The following FBXL17 variants were observed in gnomAD, a reference collection of about 807,000 sequenced individuals.
FBXL17 encodes F-box and leucine rich repeat protein 17, also known as F-box/LRR-repeat protein 17.
A neutral mutation model predicts 66.2 loss-of-function variants in FBXL17; 22 were observed. The observed-to-expected ratio is 0.33, with a 90% confidence interval of 0.24 to 0.47. The LOEUF is 0.47. Ranked by LOEUF, FBXL17 falls within the 20% of genes least tolerant of loss-of-function variation. The probability of loss-of-function intolerance (pLI) is 1.00; values close to 1 mark genes in which losing one functional copy is unlikely to be tolerated. For missense variants in FBXL17, 878 were observed against 948.2 expected (o/e 0.93, Z 0.97); for synonymous variants, 474 against 400.5 (o/e 1.18, Z -2.19).
intron 4 of FBXL17, among the ~76,000 whole-genome samples, chr5:108,264,116 G>C (rs565874556): frequency 6.6e-6 from 1 of 151,632 alleles, no homozygotes; most frequent in Admixed American, 6.6e-5. Context: ...TCAGGAAGCT[G>C]GGGGAGGAGA....
chr5:108,248,106 T>C (rs1451226488), intron 4 of FBXL17, among the ~76,000 whole-genome samples: 1 of 152,050 alleles, frequency 6.6e-6, no homozygotes, highest in African/African-American at 2.4e-5. Context: ...CCTAGGAAAA[T>C]CTCAACTTAA....
intron 4 of FBXL17, among the ~76,000 whole-genome samples, chr5:108,302,587 TA>T (rs909432851): frequency 3.4e-4 from 52 of 151,920 alleles, no homozygotes; most frequent in Middle Eastern, 3.4e-3. Flanking sequence ...GTAATTAAGA[TA>T]ATTTTCCTCT....
intron 7 of FBXL17, among the ~76,000 whole-genome samples, chr5:107,946,420 A>C (rs1751298494): frequency 6.9e-6 from 1 of 145,512 alleles, no homozygotes; most frequent in South Asian, 2.2e-4. Flanking sequence ...CCATCAGAGT[A>C]ACTAGGACTA....
chr5:107,868,644 T>G (rs1433063087), intron 8 of FBXL17, among the ~76,000 whole-genome samples: 2 of 152,222 alleles, frequency 1.3e-5, no homozygotes, highest in Non-Finnish European at 1.5e-5. Context: ...GCTTATAACC[T>G]AGCAGGGGAG....
At chr5:108,354,412 AAT>A (rs1242211887) in intron 3 of FBXL17, among the ~76,000 whole-genome samples, 2 of 152,144 alleles carry the variant, frequency 1.3e-5, no homozygotes, top group Non-Finnish European at 2.9e-5. Flanking sequence ...TGAGTTTGAG[AAT>A]ATAATAGAAA....
intron 6 of FBXL17, among the ~76,000 whole-genome samples, chr5:108,137,434 C>T (rs1489015880): frequency 1.3e-5 from 2 of 152,082 alleles, no homozygotes; most frequent in African/African-American, 4.8e-5. Flanking sequence ...CCCCAACACC[C>T]ACCTTCACAG....
At chr5:108,277,359 C>T (rs1757524312) in intron 4 of FBXL17, among the ~76,000 whole-genome samples, 1 of 152,090 alleles carries the variant, frequency 6.6e-6, no homozygotes, top group South Asian at 2.1e-4. Flanking sequence ...GAATTAACTT[C>T]TTATCAACTT....
At chr5:108,194,869 T>G (rs947662970) in intron 5 of FBXL17, among the ~76,000 whole-genome samples, 3 of 152,200 alleles carry the variant, frequency 2.0e-5, no homozygotes, top group Non-Finnish European at 4.4e-5. Flanking sequence ...GCCTTCAGTA[T>G]TTCTGAAAAA....
intron 6 of FBXL17, among the ~76,000 whole-genome samples, chr5:108,106,949 C>G (rs1749822812): frequency 6.6e-6 from 1 of 151,868 alleles, no homozygotes; most frequent in Non-Finnish European, 1.5e-5. Context: ...TAAATTACAT[C>G]TCAATAAAGT....
rs907713385 is a variant in FBXL17, at chr5:107,949,352, C to A, written c.1823-68173G>T. ...TAAGGCAAGTAGGGAGGTAAGGGGC[C>A]TGCAAAGAATGTTATATATGAAAGT... On this transcript the variant is annotated intron_variant, in intron 7 of 8. Transcript: ENST00000542267. Among the ~76,000 whole-genome samples, 17 of 152,168 alleles carry A rather than the reference C, an allele frequency of 1.1e-4. 1 individual carries two copies. Among genetic ancestry groups the A allele is most frequent in the South Asian group, 8.3e-4 (4 of 4,822 alleles).
chr5:108,181,829 AATCCCAGCTATGACGCGGAAAATTGACTG>A (rs1753014611), intron 6 of FBXL17, among the ~76,000 whole-genome samples: 1 of 152,320 alleles, frequency 6.6e-6, no homozygotes, highest in East Asian at 1.9e-4. Flanking sequence ...ATCGTATGTG[AATCCCAGCTATGACGCGGAAAATTGACTG>A]ATTAGCCATT....
chr5:108,253,484 T>C (rs775329682), intron 4 of FBXL17, among the ~76,000 whole-genome samples: 1 of 152,176 alleles, frequency 6.6e-6, no homozygotes, highest in Non-Finnish European at 1.5e-5. Flanking sequence ...CAATGTCATA[T>C]GTCTTACCAA....
At position 108,224,170 on chromosome 5, in the gene FBXL17, C is replaced by G. The variant is rs1488354253; in HGVS notation, c.1565G>C (p.Gly522Ala). 1 of 1,611,634 alleles carries G rather than the reference C, an allele frequency of 6.2e-7. No homozygotes were observed. The highest frequency in any genetic ancestry group is 2.2e-5 in the East Asian group (1 of 44,776). ...AEHCPELQYV[G>A]FMGCSVTSKG... The stretch of plus-strand genomic sequence containing the variant: ...AGAAGTGACTGAACAACCCATGAAG[C>G]CTACATATTGAAGCTCAGGACAGTG... The change falls in exon 5 of 9, where the codon GGC becomes GCC. Residue 522 changes from glycine (G) to alanine (A), a missense_variant. Gly to Ala is a moderately conservative substitution (Grantham distance 60). Around this residue, in one of 4 missense-constraint regions of FBXL17, gnomAD observed 236 missense variants for 389.1 expected, o/e 0.61. Coordinates refer to ENST00000542267, the MANE Select transcript of FBXL17 (RefSeq NM_001163315.3).
At chr5:108,143,509 G>A (rs1221423534) in intron 6 of FBXL17, among the ~76,000 whole-genome samples, 1 of 152,030 alleles carries the variant, frequency 6.6e-6, no homozygotes, top group Non-Finnish European at 1.5e-5. Flanking sequence ...GGAACACTCA[G>A]TCTTCTGATT....
intron 7 of FBXL17, among the ~76,000 whole-genome samples, chr5:107,977,715 C>G (rs1391169588): frequency 6.6e-6 from 1 of 152,226 alleles, no homozygotes; most frequent in East Asian, 1.9e-4. Flanking sequence ...ATGTACACTT[C>G]TCTGGGCAGG....
chr5:108,027,438 AC>A (rs1754866980), intron 6 of FBXL17, among the ~76,000 whole-genome samples: 1 of 152,264 alleles, frequency 6.6e-6, no homozygotes, highest in East Asian at 1.9e-4. Context: ...ACCTTACATA[AC>A]AAGTTAACAT....
intron 6 of FBXL17, among the ~76,000 whole-genome samples, chr5:108,114,799 T>C (rs1750178700): frequency 6.6e-6 from 1 of 152,120 alleles, no homozygotes; most frequent in Admixed American, 6.6e-5. Context: ...GGTGAACATA[T>C]TTATCATTGG....
At chr5:108,267,045 T>C (rs1561496558) in intron 4 of FBXL17, among the ~76,000 whole-genome samples, 1 of 152,118 alleles carries the variant, frequency 6.6e-6, no homozygotes, top group Non-Finnish European at 1.5e-5. Flanking sequence ...AAAAAAATTA[T>C]TCAAAAAACA....
intron 7 of FBXL17, among the ~76,000 whole-genome samples, chr5:107,965,850 T>C (rs908338409): frequency 2.0e-5 from 3 of 152,108 alleles, no homozygotes; most frequent in African/African-American, 7.2e-5. Flanking sequence ...AAATATGAAT[T>C]ACACATAAAA....
Sources: gnomAD v4.1 joint callset for allele counts (sites outside exome capture counted in the v4.1 genomes callset) on GRCh38, gnomAD v4.1.1 for gene constraint, gnomAD v4.1.1 regional missense constraint, MANE v1.5 for transcripts, NCBI Gene and HGNC (gene_info 2026-07-23, HGNC 2026-07-21) for gene names.